Variants in GOLM2 observed in about 807,000 individuals in gnomAD.
GOLM2 encodes protein GOLM2.
GOLM2 carries 26 observed loss-of-function variants against 55.9 expected under a neutral mutation model. The observed-to-expected ratio is 0.47, with a 90% confidence interval of 0.34 to 0.65. GOLM2 has a LOEUF of 0.65. Among genes scored for constraint, GOLM2 ranks in the 30% least tolerant of loss-of-function variants. The pLI, the probability that GOLM2 is intolerant of heterozygous loss-of-function variation, is 0.01. For missense variants in GOLM2, 486 were observed against 531.8 expected, an observed-to-expected ratio of 0.91 and a Z score of 0.85; for synonymous variants, 165 against 194.6, an observed-to-expected ratio of 0.85 and a Z score of 1.27.
intron 6 of GOLM2, among the ~76,000 whole-genome samples, chr15:44,353,163 C>A (rs573242421): frequency 1.3e-5 from 2 of 152,216 alleles, no homozygotes; most frequent in African/African-American, 4.8e-5. Flanking sequence ...CATCAAAGAA[C>A]CATAAATCAA....
chr15:44,362,098 G>A, intron 6 of GOLM2, among the ~76,000 whole-genome samples: 2 of 149,990 alleles, frequency 1.3e-5, no homozygotes, highest in Admixed American at 6.7e-5. Context: ...TACTGAATGG[G>A]CAAAAACTGG....
At chr15:44,298,917 G>A (rs1413568234) in intron 1 of GOLM2, among the ~76,000 whole-genome samples, 1 of 152,070 alleles carries the variant, frequency 6.6e-6, no homozygotes, top group Non-Finnish European at 1.5e-5. Flanking sequence ...CATTATAACT[G>A]GTATCCTTAT....
intron 6 of GOLM2, among the ~76,000 whole-genome samples, chr15:44,371,865 C>T (rs1026160416): frequency 6.6e-6 from 1 of 152,158 alleles, no homozygotes; most frequent in Non-Finnish European, 1.5e-5. Flanking sequence ...GATTCTCTTT[C>T]ATTCTAAGGA....
At chr15:44,324,042 C>T (rs1284164723) in intron 2 of GOLM2, among the ~76,000 whole-genome samples, 3 of 152,154 alleles carry the variant, frequency 2.0e-5, no homozygotes, top group Non-Finnish European at 4.4e-5. Flanking sequence ...CTCTTTTTGA[C>T]TCACCAAAAT....
rs747674413 is a variant in GOLM2 at position 44,292,152 on chromosome 15, G to A, written c.327+2796G>A. ...CACAAGACTGTATCTCTTATTGAAT[G>A]TCAGTTCTGTGTGTGTATATGTGTA... is the stretch of plus-strand genomic sequence containing the variant. On this transcript the variant is annotated intron_variant, in intron 1 of 9. Coordinates refer to ENST00000299957, the MANE Select transcript of GOLM2 (RefSeq NM_138423.4). Among the ~76,000 whole-genome samples, 13 of 150,354 alleles carry A rather than the reference G, an allele frequency of 8.6e-5. No homozygotes were observed. The South Asian group carries it at 2.5e-3, about 29-fold the overall frequency.
intron 6 of GOLM2, among the ~76,000 whole-genome samples, chr15:44,344,291 A>G (rs959436132): frequency 1.0e-4 from 13 of 128,450 alleles, no homozygotes; most frequent in African/African-American, 3.8e-4. Context: ...GTGTGTGTAT[A>G]TATATATATA....
At chr15:44,321,259 C>A (rs766098148) in intron 1 of GOLM2, among the ~76,000 whole-genome samples, 1 of 151,888 alleles carries the variant, frequency 6.6e-6, no homozygotes, top group Non-Finnish European at 1.5e-5. Flanking sequence ...ATTGCTTAAG[C>A]CCGGGAGTTC....
chr15:44,317,541 G>A (rs2078919200), intron 1 of GOLM2, among the ~76,000 whole-genome samples: 1 of 152,210 alleles, frequency 6.6e-6, no homozygotes, highest in Non-Finnish European at 1.5e-5. Flanking sequence ...TTACGGAGCA[G>A]TTCTGAGTGA....
chr15:44,404,549 T>C (rs2141216505), intron 9 of GOLM2, among the ~76,000 whole-genome samples: 1 of 152,286 alleles, frequency 6.6e-6, no homozygotes, highest in South Asian at 2.1e-4. Context: ...CTCATCCTTT[T>C]TTCATAAATT....
intron 1 of GOLM2, among the ~76,000 whole-genome samples, chr15:44,299,439 C>T (rs538332024): frequency 6.6e-6 from 1 of 151,996 alleles, no homozygotes; most frequent in Admixed American, 6.6e-5. Context: ...ATTACAGGCA[C>T]GCACCACCAC....
intron 9 of GOLM2, among the ~76,000 whole-genome samples, chr15:44,410,290 A>C (rs1315040889): frequency 6.6e-6 from 1 of 151,832 alleles, no homozygotes; most frequent in Non-Finnish European, 1.5e-5. Flanking sequence ...AATACAAAAA[A>C]ATTAGCTGGG....
intron 6 of GOLM2, among the ~76,000 whole-genome samples, chr15:44,379,370 C>T (rs555124310): frequency 2.0e-4 from 30 of 151,986 alleles, no homozygotes; most frequent in Admixed American, 1.0e-3. Context: ...CTAGCTATTA[C>T]GGAGGCTGAG....
At chr15:44,383,305 C>T (rs2079417371) in intron 8 of GOLM2, among the ~76,000 whole-genome samples, 1 of 151,684 alleles carries the variant, frequency 6.6e-6, no homozygotes, top group African/African-American at 2.4e-5. Context: ...TTTGCGTGTT[C>T]CTTTAAAAGT....
intron 1 of GOLM2, among the ~76,000 whole-genome samples, chr15:44,292,201 ATTT>A (rs201767979): frequency 1.7e-5 from 2 of 120,038 alleles, no homozygotes; most frequent in East Asian, 2.1e-4. Context: ...ATATATATAT[ATTT>A]TTTTTTTTTT....
At chr15:44,368,084 A>G (rs2079298422) in intron 6 of GOLM2, among the ~76,000 whole-genome samples, 1 of 151,966 alleles carries the variant, frequency 6.6e-6, no homozygotes. Flanking sequence ...CAAATTTTAC[A>G]ATGCTATCTT....
intron 1 of GOLM2, among the ~76,000 whole-genome samples, chr15:44,306,332 C>T (rs561386837): frequency 6.6e-6 from 1 of 152,124 alleles, no homozygotes; most frequent in Admixed American, 6.5e-5. Flanking sequence ...CATGAACCAA[C>T]CTCTGCTGGC....
chr15:44,305,738 A>G, intron 1 of GOLM2, among the ~76,000 whole-genome samples: 1 of 152,210 alleles, frequency 6.6e-6, no homozygotes. Flanking sequence ...ATAAGATTTG[A>G]AAGTAGAAAT....
chr15:44,295,927 C>T (rs1165371856), intron 1 of GOLM2, among the ~76,000 whole-genome samples: 1 of 151,616 alleles, frequency 6.6e-6, no homozygotes, highest in Non-Finnish European at 1.5e-5. Flanking sequence ...TACACACACA[C>T]ACACACACAC....
At position 44,396,355 on chromosome 15, in the gene GOLM2, CA is replaced by C. The variant is rs906445273; in HGVS notation, c.1073-6521del. 2.4e-3 allele frequency among the ~76,000 whole-genome samples: 357 copies of C among 148,526 alleles called. 1 individual carries two copies. Among genetic ancestry groups the C allele is most frequent in the African/African-American group, 8.1e-3 (330 of 40,716 alleles). ...CCTGGGCAACAGAGTGAGACTCCAT[CA>C]AAAAAAAAAATTTTTTTTTAATAAA... On this transcript the variant is annotated intron_variant, in intron 8 of 9. Transcript: ENST00000299957.
Sources: gnomAD v4.1 joint callset for allele counts (sites outside exome capture counted in the v4.1 genomes callset) on GRCh38, gnomAD v4.1.1 for gene constraint, MANE v1.5 for transcripts, NCBI Gene and HGNC (gene_info 2026-07-23, HGNC 2026-07-21) for gene names.